FRMD1: variants seen among roughly 807,000 people sequenced by gnomAD.
FRMD1 encodes the protein FERM domain-containing protein 1.
A neutral mutation model predicts 54.9 loss-of-function variants in FRMD1; 51 were observed. That is an observed-to-expected ratio of 0.93 (90% CI 0.74 to 1.17). FRMD1 has a LOEUF of 1.17. Among genes scored for constraint, FRMD1 ranks in the 50% most tolerant of loss-of-function variants. The pLI, the probability that FRMD1 is intolerant of heterozygous loss-of-function variation, is 0.00. For synonymous variants in FRMD1, 324 were observed against 306.4 expected (o/e 1.06, Z -0.60); for missense variants, 729 against 743.0 (o/e 0.98, Z 0.22).
rs1453851038 is a variant in FRMD1, at chr6:168,060,984, G to C, written c.1119C>G (p.Gly373=). Residue 373 remains glycine, a synonymous_variant, in exon 9 of 11, where the codon GGC becomes GGG. Transcript: ENST00000283309. ...ELDLASRSFP[G]SGVSSQHCPH... The stretch of plus-strand genomic sequence containing the variant: ...GGCAGTGCTGGCTGCTGACCCCACT[G>C]CCCGGGAAGCTCCTGCTGGCCAGGT... 1.9e-6 allele frequency: 3 copies of C among 1,612,762 alleles called. No homozygotes were observed. In the East Asian group the frequency reaches 6.7e-5, roughly 36 times the overall value.
chr6:168,060,046 G>A (rs1340659103), intron 9 of FRMD1, among the ~76,000 whole-genome samples: 1 of 102,010 alleles, frequency 9.8e-6, no homozygotes, highest in Non-Finnish European at 2.0e-5. Flanking sequence ...GGAGTCAGAA[G>A]GCTTCCAAAG....
intron 1 of FRMD1, among the ~76,000 whole-genome samples, chr6:168,087,552 G>A (rs1020997171): frequency 6.6e-6 from 1 of 152,234 alleles, no homozygotes; most frequent in Non-Finnish European, 1.5e-5. Flanking sequence ...GGAGAACGCA[G>A]GCTGCTGTCC....
At position 168,072,890 on chromosome 6, in the gene FRMD1, A is replaced by C. The variant is rs1418083222; in HGVS notation, c.304+2355T>G. Among the ~76,000 whole-genome samples, 3 of 152,164 alleles carry C rather than the reference A, an allele frequency of 2.0e-5. No homozygotes were observed. The East Asian group carries it at 5.8e-4, about 29-fold the overall frequency. ...TAGCAAAACTGGACTCTCCAAAGTCAACATCCCGCCCTCCCCTGAGTGACT... is the reference window on the plus strand; with the variant it reads ...TAGCAAAACTGGACTCTCCAAAGTCCACATCCCGCCCTCCCCTGAGTGACT... On this transcript the variant is annotated intron_variant, in intron 2 of 10. Coordinates refer to ENST00000283309, the MANE Select transcript of FRMD1 (RefSeq NM_024919.6).
chr6:168,074,672 ATG>A (rs1272512168), intron 2 of FRMD1, among the ~76,000 whole-genome samples: 6 of 134,074 alleles, frequency 4.5e-5, no homozygotes, highest in African/African-American at 8.6e-5. Flanking sequence ...GTGTATGTGT[ATG>A]TGTGAGTGGT....
In FRMD1 at chr6:168,061,982, CT is replaced by C; in HGVS notation, c.871-2del. 1 of 1,591,570 alleles carries C rather than the reference CT, an allele frequency of 6.3e-7. No homozygotes were observed. Among genetic ancestry groups the C allele is most frequent in the Non-Finnish European group, 8.6e-7 (1 of 1,169,396 alleles). Reference sequence around the variant, plus strand: ...CCAGCTGGATCTCCAGCTTCTTTCCCTGAGCAAACAGGAGAGAAGTTGCCAC... The same window carrying C: ...CCAGCTGGATCTCCAGCTTCTTTCCCGAGCAAACAGGAGAGAAGTTGCCAC... On this transcript the variant is annotated splice_acceptor_variant, in intron 7 of 10. Transcript: ENST00000283309. LOFTEE classifies it high-confidence loss of function.
chr6:168,086,043 T>TC (rs1253729602), upstream of FRMD1, among the ~76,000 whole-genome samples: 1 of 152,236 alleles, frequency 6.6e-6, no homozygotes, highest in Non-Finnish European at 1.5e-5. Context: ...GCCCCGTACC[T>TC]CCCTGTCATG....
chr6:168,058,896 C>T (rs1799562403), intron 10 of FRMD1, among the ~76,000 whole-genome samples: 1 of 152,166 alleles, frequency 6.6e-6, no homozygotes, highest in African/African-American at 2.4e-5. Context: ...TCCCTCCCCA[C>T]AGTGAGCCGA....
intron 1 of FRMD1, among the ~76,000 whole-genome samples, chr6:168,090,223 C>T (rs1017626320): frequency 1.3e-5 from 2 of 152,118 alleles, no homozygotes; most frequent in African/African-American, 4.8e-5. Flanking sequence ...TGTCCCTCTG[C>T]CCCCCACGCT....
In FRMD1 at chr6:168,057,009, C is replaced by A. The variant is rs879631802; in HGVS notation, c.*88G>T. On this transcript the variant is annotated 3_prime_UTR_variant, in exon 11 of 11. Transcript: ENST00000283309. ...CTGCGGAAGTGCAGGCAGCATCTGG[C>A]GGGCAGGAAGGGACGAGGGCCATGT... is the stretch of plus-strand genomic sequence containing the variant. 3 of 1,379,730 alleles carry A rather than the reference C, an allele frequency of 2.2e-6. No homozygotes were observed. The highest frequency in any genetic ancestry group is 2.8e-6 in the Non-Finnish European group (3 of 1,057,358). The allele number at this position is 1,379,730 out of a possible 1,614,324, so 85.5% of individuals were successfully genotyped here. A position where few individuals can be genotyped will look rare whatever the true frequency, so the allele number is the denominator to read the frequency against.
At chr6:168,069,753 G>C in intron 2 of FRMD1, among the ~76,000 whole-genome samples, 1 of 152,302 alleles carries the variant, frequency 6.6e-6, no homozygotes, top group East Asian at 1.9e-4. Context: ...CGATCTAGAA[G>C]ATGAAACCAC....
At chr6:168,084,527 G>C (rs1408349430), upstream of FRMD1, among the ~76,000 whole-genome samples, 1 of 152,296 alleles carries the variant, frequency 6.6e-6, no homozygotes, top group Non-Finnish European at 1.5e-5. Flanking sequence ...GGACCAAGAA[G>C]AAAACCCCAG....
At chr6:168,073,240 C>T (rs1172852067) in intron 2 of FRMD1, among the ~76,000 whole-genome samples, 3 of 144,354 alleles carry the variant, frequency 2.1e-5, no homozygotes, top group South Asian at 2.5e-4. Flanking sequence ...AGGCTGGAAT[C>T]GGGTGGGGGC....
At position 168,061,951 on chromosome 6, in the gene FRMD1, G is replaced by A. The variant is rs1279586446; in HGVS notation, c.901C>T (p.Leu301=). 1 of 1,598,490 alleles carries A rather than the reference G, an allele frequency of 6.3e-7. No homozygotes were observed. Among genetic ancestry groups the A allele is most frequent in the Non-Finnish European group, 8.5e-7 (1 of 1,173,488 alleles). Residue 301 remains leucine, a synonymous_variant, in exon 8 of 11, where the codon CTG becomes TTG. Transcript: ENST00000283309. The stretch of plus-strand genomic sequence containing the variant: ...TAAACCAGCTTCTGTGCTGCGGGCA[G>A]CCCATCCAGCTGGATCTCCAGCTTC... The part of the protein sequence containing the change: ...GKKLEIQLDG[L]PAAQKLVYYT...
At position 168,053,363 on chromosome 6, in the gene FRMD1, C is replaced by G. The variant is rs3734890; in HGVS notation, c.*3734G>C. The G allele has an allele frequency of 0.39, 59,874 of 152,330 alleles. 12,501 individuals are homozygous for G. The highest frequency in any genetic ancestry group is 0.55 in the African/African-American group (23,024 of 41,524). The allele number at this position is 152,330 out of a possible 1,614,324, so 9.4% of individuals were successfully genotyped here. A position where few individuals can be genotyped will look rare whatever the true frequency, so the allele number is the denominator to read the frequency against. On this transcript the variant is annotated 3_prime_UTR_variant, in exon 11 of 11. Transcript: ENST00000283309. ...TCCCACTGCCAGCTCTGTTTCTCTTCCAGTCCCCACACCTCCCAGGTTGGG... is the reference window on the plus strand; with the variant it reads ...TCCCACTGCCAGCTCTGTTTCTCTTGCAGTCCCCACACCTCCCAGGTTGGG...
chr6:168,069,106 A>G (rs1281249029), intron 2 of FRMD1, among the ~76,000 whole-genome samples: 1 of 152,180 alleles, frequency 6.6e-6, no homozygotes, highest in Non-Finnish European at 1.5e-5. Flanking sequence ...CTCTGAACCA[A>G]TCCCTACATC....
At chr6:168,075,869 TGCCCGG>T in intron 1 of FRMD1, 31 of 1,311,430 alleles carry the variant, frequency 2.4e-5, no homozygotes, top group South Asian at 5.2e-5. Flanking sequence ...ACATTTCCGG[TGCCCGG>T]TGTCCACATT....
At position 168,059,959 on chromosome 6, in the gene FRMD1, G is replaced by T. The variant is rs1029211674; in HGVS notation, c.1343-771C>A. ...ATAAAAAGACATGAGTCTAACCCAG[G>T]CTTTCTGATGGGAGGGAAGCTGGTA... is the stretch of plus-strand genomic sequence containing the variant. On this transcript the variant is annotated intron_variant, in intron 9 of 10. Coordinates refer to ENST00000283309, the MANE Select transcript of FRMD1 (RefSeq NM_024919.6). The surrounding 1 kb of genome is among the most constrained non-coding windows in gnomAD (Gnocchi z 4.4). Among the ~76,000 whole-genome samples the T allele has an allele frequency of 6.6e-6, 1 of 151,924 alleles. No homozygotes were observed. The highest frequency in any genetic ancestry group is 1.5e-5 in the Non-Finnish European group (1 of 67,968).
rs1043327289 is a variant in FRMD1, at chr6:168,060,628, G to A, written c.1342+133C>T. 4.7e-6 allele frequency: 4 copies of A among 858,700 alleles called. No individual in the cohort carries two copies. The Admixed American group carries it at 8.4e-5, about 18-fold the overall frequency. The allele number at this position is 858,700 out of a possible 1,614,324, so 53.2% of individuals were successfully genotyped here. A position where few individuals can be genotyped will look rare whatever the true frequency, so the allele number is the denominator to read the frequency against. On this transcript the variant is annotated intron_variant, in intron 9 of 10. Transcript: ENST00000283309. ...TTTCCTGGGACTCAGGTCACAAGCA[G>A]CCCAGCCCCTCACGTCTGGCCACTG...
upstream of FRMD1, among the ~76,000 whole-genome samples, chr6:168,086,347 C>T (rs1800918651): frequency 6.6e-6 from 1 of 151,828 alleles, no homozygotes; most frequent in Admixed American, 6.6e-5. Flanking sequence ...GTGTGGACAC[C>T]CATGTGCCCA....
Sources: allele counts gnomAD v4.1 joint callset (sites outside exome capture counted in the v4.1 genomes callset), GRCh38; gene constraint gnomAD v4.1.1; non-coding constraint Gnocchi (gnomAD v3.1); transcripts MANE v1.5; gene names NCBI Gene and HGNC (gene_info 2026-07-23, HGNC 2026-07-21).